Variants in KCNIP4 observed in about 807,000 individuals in gnomAD.
KCNIP4 encodes the protein Kv channel-interacting protein 4.
KCNIP4 carries 12 observed loss-of-function variants against 34.0 expected under a neutral mutation model. That is an observed-to-expected ratio of 0.35 (90% CI 0.23 to 0.57). The LOEUF is 0.57. Ranked by LOEUF, KCNIP4 falls within the 20% of genes least tolerant of loss-of-function variation. KCNIP4 has a pLI of 0.83. For synonymous variants in KCNIP4, 124 were observed against 102.2 expected (o/e 1.21, Z -1.29); for missense variants, 238 against 311.7 (o/e 0.76, Z 1.78).
At chr4:21,362,068 G>A (rs952967949) in intron 1 of KCNIP4, among the ~76,000 whole-genome samples, 1 of 152,126 alleles carries the variant, frequency 6.6e-6, no homozygotes, top group Non-Finnish European at 1.5e-5. Context: ...CAAGAATGAA[G>A]AGGAGAGGGG....
chr4:21,907,299 CT>C (rs1728058833), intron 1 of KCNIP4, among the ~76,000 whole-genome samples: 1 of 152,170 alleles, frequency 6.6e-6, no homozygotes, highest in Non-Finnish European at 1.5e-5. Context: ...AAGGCCGCCC[CT>C]CACACGTTGT....
chr4:21,582,814 C>G (rs905019491), intron 1 of KCNIP4, among the ~76,000 whole-genome samples: 1 of 151,902 alleles, frequency 6.6e-6, no homozygotes, highest in African/African-American at 2.4e-5. Context: ...CCTGAGATAA[C>G]TAGGAAGTCT....
At chr4:21,370,844 TATATATACACACACACACAC>T (rs1720337264) in intron 1 of KCNIP4, among the ~76,000 whole-genome samples, 1 of 25,904 alleles carries the variant, frequency 3.9e-5, no homozygotes, top group African/African-American at 2.4e-4. Context: ...TATATATATA[TATATATACACACACACACAC>T]ACACACACAC....
intron 1 of KCNIP4, among the ~76,000 whole-genome samples, chr4:21,154,167 A>G (rs1337767703): frequency 6.6e-6 from 1 of 152,158 alleles, no homozygotes; most frequent in Non-Finnish European, 1.5e-5. Flanking sequence ...CATGACTTCT[A>G]TGTAGCCAAT....
chr4:21,636,388 T>A (rs1746168197), intron 1 of KCNIP4, among the ~76,000 whole-genome samples: 1 of 151,910 alleles, frequency 6.6e-6, no homozygotes, highest in Non-Finnish European at 1.5e-5. Context: ...GGAAAAGTAA[T>A]GTTTTCCTAA....
intron 1 of KCNIP4, among the ~76,000 whole-genome samples, chr4:21,539,915 T>A (rs563854303): frequency 2.2e-4 from 33 of 151,756 alleles, no homozygotes; most frequent in Admixed American, 1.2e-3. Context: ...GAGGTGGCAG[T>A]TGCAGTGAGC....
intron 1 of KCNIP4, among the ~76,000 whole-genome samples, chr4:21,064,489 T>A (rs1744185323): frequency 6.6e-6 from 1 of 152,114 alleles, no homozygotes; most frequent in African/African-American, 2.4e-5. Flanking sequence ...AAACTATAAG[T>A]CCTGGATTTT....
intron 1 of KCNIP4, among the ~76,000 whole-genome samples, chr4:21,202,327 A>C (rs2108957212): frequency 6.6e-6 from 1 of 152,316 alleles, no homozygotes; most frequent in East Asian, 1.9e-4. Context: ...CTAATGCAGA[A>C]ACAGAAAACC....
intron 1 of KCNIP4, among the ~76,000 whole-genome samples, chr4:21,683,779 C>A (rs1398534741): frequency 1.3e-5 from 2 of 152,056 alleles, no homozygotes; most frequent in Non-Finnish European, 2.9e-5. Flanking sequence ...AAGATCATGT[C>A]GTTTGTGGGA....
intron 1 of KCNIP4, among the ~76,000 whole-genome samples, chr4:21,542,064 T>C (rs994683956): frequency 6.6e-6 from 1 of 152,220 alleles, no homozygotes; most frequent in Non-Finnish European, 1.5e-5. Context: ...AAGGCAACTG[T>C]GGACATTTTT....
intron 2 of KCNIP4, among the ~76,000 whole-genome samples, chr4:20,880,394 A>T (rs546096651): frequency 7.6e-4 from 116 of 152,314 alleles, no homozygotes; most frequent in African/African-American, 2.6e-3. Context: ...TCACGAGCTA[A>T]GTCTAGCGTA....
rs185016390 is a variant in KCNIP4 at position 21,378,027 on chromosome 4, G to C, written c.62-495318C>G. Among the ~76,000 whole-genome samples, 332 of 77,868 alleles carry C rather than the reference G, an allele frequency of 4.3e-3. 3 individuals are homozygous for C. The highest frequency in any genetic ancestry group is 0.014 in the African/African-American group (315 of 22,590). 51.1% of individuals were successfully genotyped at this position (77,868 alleles called of 152,430 possible). A position where few individuals can be genotyped will look rare whatever the true frequency, so the allele number is the denominator to read the frequency against. ...ACTAAACCAATTTCATCAATATCCT[G>C]GTTAGACTAACTTGTTCATTCACTT... On this transcript the variant is annotated intron_variant, in intron 1 of 8. Coordinates refer to ENST00000382152, the MANE Select transcript of KCNIP4 (RefSeq NM_025221.6).
At chr4:20,888,669 C>A (rs1725579364) in intron 1 of KCNIP4, among the ~76,000 whole-genome samples, 1 of 152,092 alleles carries the variant, frequency 6.6e-6, no homozygotes, top group East Asian at 1.9e-4. Flanking sequence ...TCGCCACCTA[C>A]AATGGACAGA....
intron 1 of KCNIP4, among the ~76,000 whole-genome samples, chr4:21,511,578 G>A (rs1315962639): frequency 2.0e-5 from 3 of 152,072 alleles, no homozygotes; most frequent in African/African-American, 7.2e-5. Context: ...GGCTTTGTTT[G>A]GTAATTTTCT....
Position 20,807,765 on chromosome 4 carries a change from G to T in KCNIP4, c.288+42778C>A, listed in dbSNP as rs140681998. 3.0e-4 allele frequency among the ~76,000 whole-genome samples: 46 copies of T among 152,228 alleles called. No individual in the cohort carries two copies. The East Asian group carries it at 7.9e-3, about 26-fold the overall frequency. ...GCTCAGTAACTCATCCCCAATATTTGTGAGTTAAAAGCACAAACAGACCAT... is the reference window on the plus strand; with the variant it reads ...GCTCAGTAACTCATCCCCAATATTTTTGAGTTAAAAGCACAAACAGACCAT... On this transcript the variant is annotated intron_variant, in intron 3 of 8. Transcript: ENST00000382152.
rs112934550 is a variant in KCNIP4, at chr4:21,690,182, A to G, written c.61+258389T>C. 8.7e-3 allele frequency among the ~76,000 whole-genome samples: 1,310 copies of G among 150,184 alleles called. 20 individuals carry two copies. Among genetic ancestry groups the G allele is most frequent in the African/African-American group, 0.029 (1,199 of 41,124 alleles). On this transcript the variant is annotated intron_variant, in intron 1 of 8. Transcript: ENST00000382152. ...ACATACGTAAATATACACATCAACGATGATCTCTGTCATGGTCAGTTGGAC... is the reference window on the plus strand; with the variant it reads ...ACATACGTAAATATACACATCAACGGTGATCTCTGTCATGGTCAGTTGGAC...
intron 1 of KCNIP4, among the ~76,000 whole-genome samples, chr4:21,696,127 A>G (rs1712283955): frequency 6.6e-6 from 1 of 152,188 alleles, no homozygotes; most frequent in South Asian, 2.1e-4. Flanking sequence ...GGAAATTAAC[A>G]TTAGGATGTT....
At chr4:21,834,159 T>C (rs141048761) in intron 1 of KCNIP4, among the ~76,000 whole-genome samples, 57,158 of 151,912 alleles carry the variant, frequency 0.38, 11,878 homozygotes, top group East Asian at 0.65. Context: ...GGGGATGGCA[T>C]TGAATCTGTA....
At chr4:21,613,707 T>C (rs1379616495) in intron 1 of KCNIP4, 2 of 152,234 alleles carry the variant, frequency 1.3e-5, no homozygotes. Flanking sequence ...TACCATTAAA[T>C]GTGACCTGCA....
Sources: gnomAD v4.1 joint callset for allele counts (sites outside exome capture counted in the v4.1 genomes callset) on GRCh38, gnomAD v4.1.1 for gene constraint, MANE v1.5 for transcripts, NCBI Gene and HGNC (gene_info 2026-07-23, HGNC 2026-07-21) for gene names.